The following CCDC18 variants were observed in gnomAD, a reference collection of about 807,000 sequenced individuals.
CCDC18 encodes coiled-coil domain-containing protein 18.
CCDC18 carries 157 observed loss-of-function variants against 196.0 expected under a neutral mutation model. That is an observed-to-expected ratio of 0.80 (90% CI 0.70 to 0.91). CCDC18 has a LOEUF of 0.91. CCDC18 is among the 40% of genes least tolerant of loss of function. The pLI is 0.00. For synonymous variants in CCDC18, 482 were observed against 529.2 expected (o/e 0.91, Z 1.22); for missense variants, 1,465 against 1,611.6 (o/e 0.91, Z 1.56).
rs140077239 is a variant in CCDC18, at chr1:93,245,129, C to A, written c.2982-976C>A. 2.3e-3 allele frequency among the ~76,000 whole-genome samples: 355 copies of A among 152,188 alleles called. 2 individuals are homozygous for A. Among genetic ancestry groups the A allele is most frequent in the Middle Eastern group, 0.017 (5 of 294 alleles). On this transcript the variant is annotated intron_variant, in intron 21 of 28. Coordinates refer to ENST00000690025, the MANE Select transcript of CCDC18 (RefSeq NM_001378204.1). Reference sequence around the variant, plus strand: ...ACTATTAAATCCACAGCACTTAGAACCCTGGCATATAGGAAACATCCAGTA... The same window carrying A: ...ACTATTAAATCCACAGCACTTAGAAACCTGGCATATAGGAAACATCCAGTA...
At chr1:93,241,000 C>T (rs1195103618) in intron 21 of CCDC18, among the ~76,000 whole-genome samples, 2 of 152,056 alleles carry the variant, frequency 1.3e-5, no homozygotes, top group Non-Finnish European at 1.5e-5. Context: ...GATTCTTGCC[C>T]AGGTTGGAGT....
At chr1:93,236,737 G>A (rs1312414982) in intron 19 of CCDC18, among the ~76,000 whole-genome samples, 2 of 152,144 alleles carry the variant, frequency 1.3e-5, no homozygotes, top group East Asian at 1.9e-4. Context: ...AAATGTAAAT[G>A]TACTCACATA....
chr1:93,214,066 G>A (rs1404383785), intron 11 of CCDC18, among the ~76,000 whole-genome samples: 1 of 152,102 alleles, frequency 6.6e-6, no homozygotes, highest in Admixed American at 6.5e-5. Context: ...AGTGGAGAAG[G>A]GGCATGGTCA....
At chr1:93,211,531 T>C (rs767758849) in intron 10 of CCDC18, among the ~76,000 whole-genome samples, 14 of 152,202 alleles carry the variant, frequency 9.2e-5, no homozygotes, top group East Asian at 1.9e-4. Flanking sequence ...CCATCATGAA[T>C]TGGATATATA....
chr1:93,263,430 CT>C (rs573081637), intron 26 of CCDC18, among the ~76,000 whole-genome samples: 133 of 152,202 alleles, frequency 8.7e-4, no homozygotes, highest in African/African-American at 2.9e-3. Flanking sequence ...GCCAGATCAC[CT>C]CTTGAATCCT....
intron 21 of CCDC18, among the ~76,000 whole-genome samples, chr1:93,243,206 C>T (rs1175196027): frequency 1.3e-5 from 2 of 152,242 alleles, no homozygotes; most frequent in Non-Finnish European, 2.9e-5. Context: ...CAGGCCTTTC[C>T]ATATATCCTC....
intron 17 of CCDC18, among the ~76,000 whole-genome samples, chr1:93,229,504 A>T (rs1208080491): frequency 6.6e-6 from 1 of 152,236 alleles, no homozygotes; most frequent in African/African-American, 2.4e-5. Flanking sequence ...CGTTAATAAT[A>T]GGTGATATTA....
intron 26 of CCDC18, among the ~76,000 whole-genome samples, chr1:93,263,631 C>T (rs1193999791): frequency 6.6e-6 from 1 of 152,210 alleles, no homozygotes; most frequent in Non-Finnish European, 1.5e-5. Context: ...TCACTATCAG[C>T]ATTTTAGTCA....
At chr1:93,197,741 T>G (rs897797046) in intron 6 of CCDC18, among the ~76,000 whole-genome samples, 1 of 130,792 alleles carries the variant, frequency 7.6e-6, no homozygotes, top group African/African-American at 2.9e-5. Flanking sequence ...ATTTCTTTTC[T>G]TTTCTTTTTT....
intron 26 of CCDC18, 34 bp from the exon 27 acceptor site, chr1:93,264,667 A>T (rs772573383): frequency 9.8e-6 from 13 of 1,319,914 alleles, no homozygotes; most frequent in African/African-American, 4.5e-5. Context: ...CCATTTTTTT[A>T]TTTTTTTTCT....
chr1:93,228,731 T>C (rs901973981), intron 17 of CCDC18, among the ~76,000 whole-genome samples: 1 of 152,038 alleles, frequency 6.6e-6, no homozygotes, highest in African/African-American at 2.4e-5. Flanking sequence ...ATACATTATT[T>C]TGGCATTTAT....
At chr1:93,269,335 T>C (rs1236495876) in intron 27 of CCDC18, among the ~76,000 whole-genome samples, 1 of 150,022 alleles carries the variant, frequency 6.7e-6, no homozygotes, top group African/African-American at 2.5e-5. Context: ...AAATGACGAG[T>C]TAATGGGTGC....
chr1:93,180,644 GCGCCTT>G (rs767043599), upstream of CCDC18: 1 of 1,329,662 alleles, frequency 7.5e-7, no homozygotes, highest in Non-Finnish European at 9.9e-7. Context: ...GGCAAGCCCC[GCGCCTT>G]CGGCGGCGCC....
At chr1:93,265,468 T>G (rs1365709878) in intron 27 of CCDC18, among the ~76,000 whole-genome samples, 3 of 152,234 alleles carry the variant, frequency 2.0e-5, no homozygotes, top group African/African-American at 7.2e-5. Flanking sequence ...GTAACTTAAA[T>G]AAAATCCTAC....
chr1:93,217,511 C>T (rs1332750005), intron 13 of CCDC18, among the ~76,000 whole-genome samples: 1 of 152,172 alleles, frequency 6.6e-6, no homozygotes, highest in African/African-American at 2.4e-5. Context: ...GTGGCACAAT[C>T]ATGGCTCACT....
chr1:93,248,380 G>C (rs1661780155), intron 23 of CCDC18, among the ~76,000 whole-genome samples: 1 of 152,034 alleles, frequency 6.6e-6, no homozygotes, highest in Admixed American at 6.6e-5. Context: ...AATTTTATCT[G>C]ATGCTTTTCA....
intron 9 of CCDC18, among the ~76,000 whole-genome samples, chr1:93,208,411 A>C (rs1571429537): frequency 6.6e-6 from 1 of 150,570 alleles, no homozygotes; most frequent in East Asian, 2.0e-4. Context: ...AGCTCACTGC[A>C]ACCTCCACCT....
chr1:93,218,549 G>T (rs768605701), intron 14 of CCDC18, among the ~76,000 whole-genome samples: 1 of 151,530 alleles, frequency 6.6e-6, no homozygotes, highest in African/African-American at 2.4e-5. Context: ...TCGCTCTGTC[G>T]GCCAGGCTGG....
At chr1:93,194,913 C>T (rs1652452668) in intron 6 of CCDC18, among the ~76,000 whole-genome samples, 1 of 152,170 alleles carries the variant, frequency 6.6e-6, no homozygotes, top group Admixed American at 6.5e-5. Flanking sequence ...CTCTGTCTCG[C>T]AGGCTGGAGT....
Sources: gnomAD v4.1 joint callset for allele counts (sites outside exome capture counted in the v4.1 genomes callset) on GRCh38, gnomAD v4.1.1 for gene constraint, MANE v1.5 for transcripts, NCBI Gene and HGNC (gene_info 2026-07-23, HGNC 2026-07-21) for gene names.